CFAP43: variants seen among roughly 807,000 people sequenced by gnomAD.
The protein encoded by CFAP43 is cilia- and flagella-associated protein 43.
CFAP43 carries 155 observed loss-of-function variants against 218.9 expected under a neutral mutation model. That is an observed-to-expected ratio of 0.71 (90% CI 0.62 to 0.81). The LOEUF is 0.81. Among genes scored for constraint, CFAP43 ranks in the 30% least tolerant of loss-of-function variants. The pLI, the probability that CFAP43 is intolerant of heterozygous loss-of-function variation, is 0.00. For missense variants in CFAP43, 1,778 were observed against 1,954.3 expected (o/e 0.91, Z 1.70); for synonymous variants, 645 against 681.3 (o/e 0.95, Z 0.83).
At chr10:104,215,303 C>T (rs2090983108) in intron 3 of CFAP43, among the ~76,000 whole-genome samples, 1 of 152,164 alleles carries the variant, frequency 6.6e-6, no homozygotes, top group Admixed American at 6.5e-5. Flanking sequence ...GCTATGCCCT[C>T]AAATGAGGGG....
At position 104,142,302 on chromosome 10, in the gene CFAP43, C is replaced by CT; in HGVS notation, c.4249dup (p.Arg1417LysfsTer5). ...TTACAGGATGAGTTCATGGAACACT[C>CT]TCTCAATCTCCTGTTGCACCTTCTC... On this transcript the variant is annotated frameshift_variant, in exon 33 of 38. Coordinates refer to ENST00000357060, the MANE Select transcript of CFAP43 (RefSeq NM_025145.7). LOFTEE classifies it high-confidence loss of function. 1 of 1,613,204 alleles carries CT rather than the reference C, an allele frequency of 6.2e-7. No individual in the cohort carries two copies. The highest frequency in any genetic ancestry group is 8.5e-7 in the Non-Finnish European group (1 of 1,179,598).
intron 7 of CFAP43, 33 bp from the exon 8 acceptor site, chr10:104,203,836 G>T: frequency 6.4e-7 from 1 of 1,564,938 alleles, no homozygotes; most frequent in Non-Finnish European, 8.6e-7. Context: ...TAGAAAATCA[G>T]TCTTAGTCAA....
chr10:104,227,393 CT>C (rs1420611441), intron 2 of CFAP43, among the ~76,000 whole-genome samples: 2 of 152,278 alleles, frequency 1.3e-5, no homozygotes, highest in African/African-American at 4.8e-5. Flanking sequence ...ATAGTCCCAC[CT>C]TCAGCAAATA....
chr10:104,223,803 A>T (rs2135004801), intron 3 of CFAP43, among the ~76,000 whole-genome samples: 1 of 152,372 alleles, frequency 6.6e-6, no homozygotes, highest in South Asian at 2.1e-4. Flanking sequence ...TGAATAAAGT[A>T]TGGTATATCC....
At chr10:104,223,759 C>A (rs1004027937) in intron 3 of CFAP43, among the ~76,000 whole-genome samples, 1 of 152,022 alleles carries the variant, frequency 6.6e-6, no homozygotes, top group Non-Finnish European at 1.5e-5. Flanking sequence ...TTACAGAAGC[C>A]CTAGCAAGCT....
At chr10:104,218,894 G>A (rs199655267) in intron 3 of CFAP43, 29 of 494,984 alleles carry the variant, frequency 5.9e-5, no homozygotes, top group South Asian at 1.1e-4. Flanking sequence ...GCATGACAGC[G>A]GGAGACTGGA....
intron 27 of CFAP43, among the ~76,000 whole-genome samples, chr10:104,156,466 A>G (rs1054696667): frequency 6.6e-6 from 1 of 152,170 alleles, no homozygotes; most frequent in Non-Finnish European, 1.5e-5. Context: ...TCAGTATCAC[A>G]ATGGTTGCAC....
At chr10:104,162,223 G>A (rs1213303667) in intron 25 of CFAP43, 94 bp downstream of exon 25, 8 of 1,331,584 alleles carry the variant, frequency 6.0e-6, no homozygotes, top group African/African-American at 1.4e-5. Context: ...CTCTGACCAC[G>A]ACAAATGTGT....
chr10:104,205,230 A>G (rs1427211555), intron 7 of CFAP43, among the ~76,000 whole-genome samples: 1 of 151,234 alleles, frequency 6.6e-6, no homozygotes, highest in South Asian at 2.1e-4. Context: ...AAAAAAAAAA[A>G]AAAAAGAAAA....
intron 2 of CFAP43, 71 bp downstream of exon 2, chr10:104,230,517 CTT>C: frequency 1.3e-6 from 2 of 1,516,676 alleles, no homozygotes; most frequent in Non-Finnish European, 1.8e-6. Flanking sequence ...TAAATCTTCA[CTT>C]ATAATAGATT....
intron 27 of CFAP43, among the ~76,000 whole-genome samples, chr10:104,155,636 G>A (rs1195613270): frequency 6.6e-6 from 1 of 152,144 alleles, no homozygotes; most frequent in African/African-American, 2.4e-5. Context: ...CATGGGGCAG[G>A]ATTGAGGAGA....
At position 104,230,834 on chromosome 10, in the gene CFAP43, T is replaced by C; in HGVS notation, c.75A>G (p.Gln25=). ...GGASLSVRWV[Q]GFPKQNVHFV... is the part of the protein sequence containing the mutation. ...AATGAACATTCTGCTTAGGGAATCC[T>C]TGCACCCATCTTTGGGAAAAGATAT... Residue 25 remains glutamine (Q), a synonymous_variant, in exon 2 of 38, where the codon CAA becomes CAG. Coordinates refer to ENST00000357060, the MANE Select transcript of CFAP43 (RefSeq NM_025145.7). 6.2e-7 allele frequency: 1 copy of C among 1,606,344 alleles called. No homozygotes were observed. The highest frequency in any genetic ancestry group is 8.5e-7 in the Non-Finnish European group (1 of 1,177,300).
chr10:104,223,264 A>C (rs2091229603), intron 3 of CFAP43, among the ~76,000 whole-genome samples: 2 of 152,064 alleles, frequency 1.3e-5, no homozygotes, highest in Admixed American at 1.3e-4. Flanking sequence ...TTTTCTCTAA[A>C]TTTTTCCAAT....
chr10:104,198,013 C>A lies in CFAP43; in HGVS notation c.1121G>T (p.Gly374Val), dbSNP rs756337292. The part of the protein sequence containing the change: ...DKGSVYIYTF[G>V]KEPTLNKVLD... ...GACTTTATTTAAGGTTGGCTCCTTA[C>A]CAAAAGTGTAGATATAAACAGATCC... is the stretch of plus-strand genomic sequence containing the variant. Residue 374 changes from glycine to valine, a missense_variant, in exon 9 of 38, where the codon GGT becomes GTT. Physicochemically the swap from Gly to Val is moderately radical, Grantham distance 109. This residue lies in a region of CFAP43 where 1,553 missense variants were observed against 1,685.2 expected (regional missense o/e 0.92). Transcript: ENST00000357060. The A allele has an allele frequency of 1.9e-6, 3 of 1,612,038 alleles. No individual in the cohort carries two copies. The Admixed American group carries it at 5.0e-5, about 27-fold the overall frequency.
chr10:104,232,327 G>T lies in CFAP43; in HGVS notation c.-81C>A. On this transcript the variant is annotated 5_prime_UTR_variant, in exon 1 of 38. Coordinates refer to ENST00000357060, the MANE Select transcript of CFAP43 (RefSeq NM_025145.7). ...TCGGTTACCTTTCCGCCGCCGCGGG[G>T]CTGCGGGCCGCGACGCCGCTGCTGT... is the stretch of plus-strand genomic sequence containing the variant. 3 of 1,374,248 alleles carry T rather than the reference G, an allele frequency of 2.2e-6. No individual in the cohort carries two copies. Among genetic ancestry groups the T allele is most frequent in the Non-Finnish European group, 2.9e-6 (3 of 1,037,536 alleles). The allele number at this position is 1,374,248 out of a possible 1,614,324, so 85.1% of individuals were successfully genotyped here.
rs375926424 is a variant in CFAP43 at position 104,131,354 on chromosome 10, C to G, written c.4808G>C (p.Arg1603Thr). ...ACCCATTGCATTACAGATGTCTTTT[C>G]TCTCTGAGACAGCTACCAACTCTTC... ...LREELVAVSE[R>T]KDICNAMGSK... Residue 1603 changes from arginine (R) to threonine (T), a missense_variant, in exon 37 of 38, where the codon AGA becomes ACA. Transcript: ENST00000357060. The G allele has an allele frequency of 9.9e-6, 16 of 1,611,326 alleles. No homozygotes were observed. The highest frequency in any genetic ancestry group is 1.4e-5 in the Non-Finnish European group (16 of 1,179,406).
intron 11 of CFAP43, 25 bp from the exon 12 acceptor site, chr10:104,192,327 C>A (rs2090252690): frequency 6.5e-7 from 1 of 1,550,232 alleles, no homozygotes; most frequent in South Asian, 1.1e-5. Flanking sequence ...ATCTGATGAT[C>A]AAATCCCAAT....
At chr10:104,210,126 A>G (rs1451985307) in intron 5 of CFAP43, among the ~76,000 whole-genome samples, 1 of 152,242 alleles carries the variant, frequency 6.6e-6, no homozygotes, top group Non-Finnish European at 1.5e-5. Context: ...AAGTGTGTAT[A>G]TATTCAGTAC....
intron 10 of CFAP43, 77 bp downstream of exon 10, chr10:104,196,776 T>C (rs1222614481): frequency 4.1e-6 from 5 of 1,230,262 alleles, no homozygotes; most frequent in Middle Eastern, 2.6e-4. Flanking sequence ...CTACAGACTA[T>C]TGACATGTGA....
Sources: gnomAD v4.1 joint callset for allele counts (sites outside exome capture counted in the v4.1 genomes callset) on GRCh38, gnomAD v4.1.1 for gene constraint, gnomAD v4.1.1 regional missense constraint, MANE v1.5 for transcripts, NCBI Gene and HGNC (gene_info 2026-07-23, HGNC 2026-07-21) for gene names.